NUDCD1: variants seen among roughly 807,000 people sequenced by gnomAD.
NUDCD1 encodes the protein nudC domain-containing protein 1.
Under a neutral mutation model 67.8 loss-of-function variants are expected in NUDCD1, and 60 were observed. That is an observed-to-expected ratio of 0.88 (90% CI 0.72 to 1.10). The LOEUF is 1.10. Among genes scored for constraint, NUDCD1 ranks in the 50% least tolerant of loss-of-function variants. NUDCD1 has a pLI of 0.00. For synonymous variants in NUDCD1, 244 were observed against 230.8 expected (o/e 1.06, Z -0.52); for missense variants, 643 against 695.0 (o/e 0.93, Z 0.84).
At chr8:109,293,011 T>C (rs1345331569) in intron 4 of NUDCD1, among the ~76,000 whole-genome samples, 1 of 152,096 alleles carries the variant, frequency 6.6e-6, no homozygotes, top group Admixed American at 6.6e-5. Context: ...TACATTTAGT[T>C]TTAGGTATAT....
chr8:109,271,102 G>T lies in NUDCD1; in HGVS notation c.1202C>A (p.Pro401His). Residue 401 changes from proline (P) to histidine (H), a missense_variant, in exon 8 of 10, where the codon CCT becomes CAT. Physicochemically the swap from Pro to His is moderately conservative, Grantham distance 77. Coordinates refer to ENST00000239690, the MANE Select transcript of NUDCD1 (RefSeq NM_032869.4). ...LNPNPDKEKP[P>H]CNAQELEECD... ...TTCTTCTAACTCTTGAGCATTGCAA[G>T]GTGGTTTTTCTTTATCTGGATTTGG... 1.3e-6 allele frequency: 2 copies of T among 1,578,510 alleles called. No homozygotes were observed. The highest frequency in any genetic ancestry group is 1.2e-5 in the South Asian group (1 of 85,906).
intron 8 of NUDCD1, among the ~76,000 whole-genome samples, chr8:109,252,674 C>T (rs188374859): frequency 6.6e-6 from 1 of 152,162 alleles, no homozygotes; most frequent in African/African-American, 2.4e-5. Flanking sequence ...ATCCTTCTTA[C>T]CCACTTACAT....
intron 8 of NUDCD1, among the ~76,000 whole-genome samples, chr8:109,252,947 G>A (rs536475922): frequency 4.1e-4 from 62 of 152,222 alleles, no homozygotes; most frequent in African/African-American, 1.4e-3. Context: ...AAAAAGCTTA[G>A]GATTTCAACT....
At chr8:109,270,688 C>A (rs1814128609) in intron 8 of NUDCD1, among the ~76,000 whole-genome samples, 1 of 151,046 alleles carries the variant, frequency 6.6e-6, no homozygotes. Flanking sequence ...ATTTCAATAA[C>A]ATGAGGAAAC....
intron 8 of NUDCD1, among the ~76,000 whole-genome samples, chr8:109,250,956 G>T (rs932325933): frequency 3.9e-5 from 6 of 152,036 alleles, no homozygotes; most frequent in Middle Eastern, 3.4e-3. Flanking sequence ...TAATGTCTTT[G>T]GTATCAGGGT....
intron 7 of NUDCD1, among the ~76,000 whole-genome samples, chr8:109,272,903 G>A (rs933771734): frequency 2.0e-5 from 3 of 152,118 alleles, no homozygotes; most frequent in Admixed American, 2.0e-4. Flanking sequence ...ATTGTGCACA[G>A]TGACTCAAGG....
intron 2 of NUDCD1, among the ~76,000 whole-genome samples, chr8:109,306,283 T>G (rs1422652417): frequency 2.0e-5 from 3 of 152,196 alleles, no homozygotes; most frequent in African/African-American, 7.2e-5. Context: ...TTCACCCTGA[T>G]GAAGTCCTAT....
At chr8:109,332,518 T>TACCCCC (rs1288286440) in intron 1 of NUDCD1, among the ~76,000 whole-genome samples, 1 of 152,118 alleles carries the variant, frequency 6.6e-6, no homozygotes, top group African/African-American at 2.4e-5. Flanking sequence ...TCTGAGACCC[T>TACCCCC]ACCCCCACCC....
At chr8:109,243,339 T>A in intron 9 of NUDCD1, 38 bp from the exon 10 acceptor site, 1 of 1,473,998 alleles carries the variant, frequency 6.8e-7, no homozygotes, top group African/African-American at 1.4e-5. Context: ...AAAAACTATA[T>A]ATTAAACAGA....
At chr8:109,285,126 C>T (rs916310334) in intron 5 of NUDCD1, among the ~76,000 whole-genome samples, 19 of 152,060 alleles carry the variant, frequency 1.2e-4, no homozygotes, top group African/African-American at 4.6e-4. Flanking sequence ...GCAACTGAAA[C>T]CTTGAACAGA....
chr8:109,325,485 AT>A (rs1815659301), intron 1 of NUDCD1, among the ~76,000 whole-genome samples: 1 of 152,194 alleles, frequency 6.6e-6, no homozygotes, highest in African/African-American at 2.4e-5. Context: ...AATTTAACAT[AT>A]TTTTAAAATA....
chr8:109,331,995 C>T (rs1440580271), intron 1 of NUDCD1, among the ~76,000 whole-genome samples: 1 of 152,104 alleles, frequency 6.6e-6, no homozygotes, highest in Non-Finnish European at 1.5e-5. Context: ...TAATTATTTC[C>T]CTTTCCTCAT....
intron 8 of NUDCD1, among the ~76,000 whole-genome samples, chr8:109,250,597 T>A (rs2980598): frequency 7.2e-5 from 11 of 152,126 alleles, no homozygotes; most frequent in Middle Eastern, 6.8e-3. Context: ...TCTTTTACCA[T>A]GAAGTATGGT....
At chr8:109,289,588 G>A (rs1320141726) in intron 5 of NUDCD1, among the ~76,000 whole-genome samples, 163 bp downstream of exon 5, 3 of 151,930 alleles carry the variant, frequency 2.0e-5, no homozygotes, top group African/African-American at 7.3e-5. Context: ...CACTATTAAG[G>A]TGGTATACCT....
At chr8:109,261,480 A>G (rs1813862955) in intron 8 of NUDCD1, among the ~76,000 whole-genome samples, 1 of 152,192 alleles carries the variant, frequency 6.6e-6, no homozygotes, top group Non-Finnish European at 1.5e-5. Context: ...AATACTCCAG[A>G]TTATGATTCC....
chr8:109,298,861 G>C (rs1484264234), intron 2 of NUDCD1: 1 of 152,216 alleles, frequency 6.6e-6, no homozygotes, highest in Non-Finnish European at 1.5e-5. Context: ...CAGGAAAGCC[G>C]AGAGAACCCG....
At chr8:109,294,045 T>C (rs62509865) in intron 3 of NUDCD1, among the ~76,000 whole-genome samples, 122 of 151,230 alleles carry the variant, frequency 8.1e-4, no homozygotes, top group Non-Finnish European at 1.6e-3. Flanking sequence ...CTAAGCATCA[T>C]ACAGAAACAC....
chr8:109,266,289 G>A (rs192040104), intron 8 of NUDCD1, among the ~76,000 whole-genome samples: 17 of 150,902 alleles, frequency 1.1e-4, no homozygotes, highest in African/African-American at 2.9e-4. Flanking sequence ...GCAGTGGCGC[G>A]ATCTCGGCTC....
chr8:109,305,564 C>T (rs1392119659), intron 2 of NUDCD1, among the ~76,000 whole-genome samples: 1 of 152,144 alleles, frequency 6.6e-6, no homozygotes, highest in East Asian at 1.9e-4. Context: ...AGAGCCTGTC[C>T]TCGAGATACT....
Sources: gnomAD v4.1 joint callset for allele counts (sites outside exome capture counted in the v4.1 genomes callset) on GRCh38, gnomAD v4.1.1 for gene constraint, MANE v1.5 for transcripts, NCBI Gene and HGNC (gene_info 2026-07-23, HGNC 2026-07-21) for gene names.